ABCA13: variants seen among roughly 807,000 people sequenced by gnomAD.
ABCA13 encodes the protein ATP binding cassette subfamily A member 13.
Under a neutral mutation model 478.7 loss-of-function variants are expected in ABCA13, and 476 were observed. The ratio of observed to expected loss-of-function variants is 0.99; its 90% confidence interval spans 0.92 to 1.07. The LOEUF is 1.07. Among genes scored for constraint, ABCA13 ranks in the 50% least tolerant of loss-of-function variants. The pLI, the probability that ABCA13 is intolerant of heterozygous loss-of-function variation, is 0.00. For synonymous variants in ABCA13, 2,252 were observed against 2,158.9 expected (o/e 1.04, Z -1.20); for missense variants, 6,060 against 5,910.6 (o/e 1.03, Z -0.83).
chr7:48,547,425 T>C (rs1049435996), intron 55 of ABCA13, among the ~76,000 whole-genome samples: 1 of 151,952 alleles, frequency 6.6e-6, no homozygotes, highest in Admixed American at 6.6e-5. Flanking sequence ...GTCTAAGATA[T>C]GGCAGAATGT....
chr7:48,606,659 G>A (rs1288915871), intron 58 of ABCA13, among the ~76,000 whole-genome samples: 7 of 152,124 alleles, frequency 4.6e-5, no homozygotes, highest in South Asian at 2.1e-4. Context: ...AGCCCCTACC[G>A]GGAGCTATCT....
rs574957294 is a variant in ABCA13, at chr7:48,265,958, T to A, written c.2006-3022T>A. Among the ~76,000 whole-genome samples the A allele has an allele frequency of 1.6e-4, 24 of 151,858 alleles. 1 individual carries two copies. The South Asian group carries it at 4.8e-3, about 30-fold the overall frequency. ...TTTATTCCTACTTTGGCAAGAGCTT[T>A]TAATCAGGAATAGATGTCAGATTTG... On this transcript the variant is annotated intron_variant, in intron 15 of 61. Coordinates refer to ENST00000435803, the MANE Select transcript of ABCA13 (RefSeq NM_152701.5).
intron 54 of ABCA13, among the ~76,000 whole-genome samples, chr7:48,526,036 CTG>C (rs1832870981): frequency 1.3e-5 from 2 of 152,158 alleles, no homozygotes; most frequent in African/African-American, 4.8e-5. Context: ...AGGACCCTCT[CTG>C]GAATGCAGGT....
rs1217314665 is a variant in ABCA13, at chr7:48,245,989, A to G, written c.1618A>G (p.Thr540Ala). 6.2e-7 allele frequency: 1 copy of G among 1,613,760 alleles called. No homozygotes were observed. ...GTTGTGCTATTGTAACTCCTCTGAGACGAGTGTTTTAAACAAGCTACTTGG... is the reference window on the plus strand; with the variant it reads ...GTTGTGCTATTGTAACTCCTCTGAGGCGAGTGTTTTAAACAAGCTACTTGG... ...GLLCYCNSSE[T>A]SVLNKLLGSV... Residue 540 changes from threonine (T) to alanine (A), a missense_variant, in exon 13 of 62, where the codon ACG becomes GCG. Physicochemically the swap from Thr to Ala is moderately conservative, Grantham distance 58. Around this residue, in one of 3 missense-constraint regions of ABCA13, gnomAD observed 4,423 missense variants for 4,309.1 expected, o/e 1.03. Transcript: ENST00000435803.
intron 31 of ABCA13, among the ~76,000 whole-genome samples, chr7:48,354,328 T>C (rs1253590193): frequency 6.6e-6 from 1 of 151,952 alleles, no homozygotes; most frequent in Non-Finnish European, 1.5e-5. Context: ...TTGTCCACTC[T>C]GACATAGGAT....
chr7:48,240,977 G>T lies in ABCA13; in HGVS notation c.1173G>T (p.Lys391Asn), dbSNP rs761614108. 6.2e-7 allele frequency: 1 copy of T among 1,613,938 alleles called. No homozygotes were observed. Among genetic ancestry groups the T allele is most frequent in the Non-Finnish European group, 8.5e-7 (1 of 1,179,820 alleles). ...NQFEEESKPW[K>N]VVEALHTALL... Reference sequence around the variant, plus strand: ...TTGAAGAAGAGAGCAAGCCCTGGAAGGTGGTGGAAGCTCTGCACACTGCAC... The same window carrying T: ...TTGAAGAAGAGAGCAAGCCCTGGAATGTGGTGGAAGCTCTGCACACTGCAC... Residue 391 changes from lysine (K) to asparagine (N), a missense_variant, in exon 10 of 62, where the codon AAG becomes AAT. This residue lies in a region of ABCA13 where 4,423 missense variants were observed against 4,309.1 expected (regional missense o/e 1.03). Coordinates refer to ENST00000435803, the MANE Select transcript of ABCA13 (RefSeq NM_152701.5).
chr7:48,283,274 G>A (rs906407855), intron 19 of ABCA13, among the ~76,000 whole-genome samples: 5 of 152,080 alleles, frequency 3.3e-5, no homozygotes, highest in Non-Finnish European at 7.3e-5. Context: ...ACTGGGGAGC[G>A]GTATGGAGGA....
intron 44 of ABCA13, 84 bp downstream of exon 44, chr7:48,467,129 G>T (rs1011201546): frequency 3.8e-6 from 5 of 1,301,274 alleles, no homozygotes; most frequent in African/African-American, 1.5e-5. Flanking sequence ...CTTCATGATT[G>T]GTTATTTCAT....
intron 43 of ABCA13, among the ~76,000 whole-genome samples, chr7:48,458,422 T>G (rs1433500): frequency 0.19 from 28,579 of 152,146 alleles, 3,107 homozygotes; most frequent in African/African-American, 0.29. Flanking sequence ...ACACTCCCTC[T>G]CTTTCTCCTT....
intron 8 of ABCA13, among the ~76,000 whole-genome samples, chr7:48,237,321 ATAATCT>A (rs1172745046): frequency 4.6e-5 from 7 of 152,128 alleles, no homozygotes; most frequent in African/African-American, 1.7e-4. Context: ...AGCCACTCTC[ATAATCT>A]TAATCTTGTG....
At chr7:48,290,059 T>C (rs1798292052) in intron 20 of ABCA13, among the ~76,000 whole-genome samples, 1 of 152,244 alleles carries the variant, frequency 6.6e-6, no homozygotes, top group Non-Finnish European at 1.5e-5. Flanking sequence ...AGTAGCAACA[T>C]GGAATTCCCA....
rs750039817 is a variant in ABCA13, at chr7:48,274,401, A to G, written c.4735A>G (p.Asn1579Asp). The G allele has an allele frequency of 6.0e-5, 96 of 1,612,636 alleles. No homozygotes were observed. The highest frequency in any genetic ancestry group is 7.5e-5 in the Non-Finnish European group (88 of 1,179,546). The stretch of plus-strand genomic sequence containing the variant: ...CTCTTCTAAAACTGAAAACTTGTTA[A>G]ACATATTTGCCACCAGTCCAAAAGA... ...NSSSKTENLL[N>D]IFATSPKEKD... The change falls in exon 17 of 62, where the codon AAC becomes GAC. Residue 1579 changes from asparagine to aspartate, a missense_variant. This residue lies in a region of ABCA13 where 4,423 missense variants were observed against 4,309.1 expected (regional missense o/e 1.03). Transcript: ENST00000435803.
intron 39 of ABCA13, among the ~76,000 whole-genome samples, chr7:48,406,708 A>G (rs139395370): frequency 1.0e-3 from 155 of 152,126 alleles, no homozygotes; most frequent in African/African-American, 3.7e-3. Context: ...CCCTGTCTCT[A>G]CTAAAAATAC....
chr7:48,265,049 T>A (rs1300176456), intron 15 of ABCA13, among the ~76,000 whole-genome samples: 1 of 151,708 alleles, frequency 6.6e-6, no homozygotes, highest in African/African-American at 2.4e-5. Context: ...AAGGCTATTC[T>A]TTTTCCATTG....
intron 15 of ABCA13, among the ~76,000 whole-genome samples, chr7:48,256,145 G>T (rs867200449): frequency 6.6e-6 from 1 of 151,928 alleles, no homozygotes; most frequent in Non-Finnish European, 1.5e-5. Context: ...TTTTAATGGG[G>T]TTGTTTTTTG....
chr7:48,586,052 G>A (rs1052123020), intron 56 of ABCA13, among the ~76,000 whole-genome samples: 11 of 152,144 alleles, frequency 7.2e-5, no homozygotes, highest in African/African-American at 2.7e-4. Context: ...CAGAAGAAGT[G>A]ACAATTATTT....
chr7:48,376,455 A>G lies in ABCA13; in HGVS notation c.11218A>G (p.Asn3740Asp), dbSNP rs764473956. 6.2e-7 allele frequency: 1 copy of G among 1,613,622 alleles called. No individual in the cohort carries two copies. The highest frequency in any genetic ancestry group is 1.3e-5 in the African/African-American group (1 of 74,916). ...CTTCCTGCTAGGGATTCAATGGAAT[A>G]ATATGTACCAGGCTCTGGAACAAGG... ...EGQETGIQWN[N>D]MYQALEQGGM... is the part of the protein sequence containing the mutation. Residue 3740 changes from asparagine to aspartate, a missense_variant, in exon 35 of 62, where the codon AAT becomes GAT. Transcript: ENST00000435803.
Position 48,517,083 on chromosome 7 carries a change from C to A in ABCA13, c.13797+202C>A, listed in dbSNP as rs185984789. 4.2e-3 allele frequency among the ~76,000 whole-genome samples: 635 copies of A among 152,260 alleles called. 1 individual carries two copies. Among genetic ancestry groups the A allele is most frequent in the African/African-American group, 0.015 (612 of 41,566 alleles). ...TTATAAAAGCCATGCCTAGGCTTAG[C>A]AACAATTGACGAAAAAATGTTCTGT... On this transcript the variant is annotated intron_variant, in intron 52 of 61. Transcript: ENST00000435803.
intron 55 of ABCA13, among the ~76,000 whole-genome samples, chr7:48,533,674 C>A (rs543934922): frequency 1.3e-5 from 2 of 152,048 alleles, no homozygotes; most frequent in East Asian, 3.9e-4. Flanking sequence ...TTAGGAGCTC[C>A]ATTGTTAGGT....
Sources: allele counts gnomAD v4.1 joint callset (sites outside exome capture counted in the v4.1 genomes callset), GRCh38; gene constraint gnomAD v4.1.1; regional missense constraint gnomAD v4.1.1; transcripts MANE v1.5; gene names NCBI Gene and HGNC (gene_info 2026-07-23, HGNC 2026-07-21).